The following LYPLA1 variants were observed in gnomAD, a reference collection of about 807,000 sequenced individuals.
LYPLA1 encodes lysophospholipase 1.
LYPLA1 carries 17 observed loss-of-function variants against 34.0 expected under a neutral mutation model. That is an observed-to-expected ratio of 0.50 (90% CI 0.34 to 0.75). LYPLA1 has a LOEUF of 0.75. Ranked by LOEUF, LYPLA1 falls within the 30% of genes least tolerant of loss-of-function variation. The pLI is 0.01. For synonymous variants in LYPLA1, 98 were observed against 100.8 expected (o/e 0.97, Z 0.17); for missense variants, 203 against 288.8 (o/e 0.70, Z 2.15).
intron 1 of LYPLA1, 27 bp from the exon 2 acceptor site, chr8:54,100,966 G>C (rs933432665): frequency 6.3e-7 from 1 of 1,595,746 alleles, no homozygotes. Flanking sequence ...AAATTAATAA[G>C]CAATGCCTAA....
At chr8:54,054,847 G>T in intron 6 of LYPLA1, 1 of 451,892 alleles carries the variant, frequency 2.2e-6, no homozygotes. Flanking sequence ...TGTTAACTTA[G>T]AAATTTAATT....
intron 1 of LYPLA1, 103 bp downstream of exon 1, chr8:54,101,652 C>A: frequency 8.6e-7 from 1 of 1,162,224 alleles, no homozygotes; most frequent in Non-Finnish European, 1.1e-6. Flanking sequence ...GGAGCGTCCT[C>A]GTCCGCAGGC....
At chr8:54,093,666 G>A (rs370120818) in intron 2 of LYPLA1, among the ~76,000 whole-genome samples, 3 of 152,112 alleles carry the variant, frequency 2.0e-5, no homozygotes, top group Non-Finnish European at 2.9e-5. Flanking sequence ...GATGCTCCTC[G>A]TATGTCTCAC....
downstream of LYPLA1, among the ~76,000 whole-genome samples, chr8:54,044,244 TTCCC>T (rs1805429681): frequency 6.6e-6 from 1 of 152,084 alleles, no homozygotes; most frequent in Admixed American, 6.6e-5. Flanking sequence ...AGGTAAATCA[TTCCC>T]TCTTATGATT....
At chr8:54,070,180 T>TGG (rs976983183) in intron 2 of LYPLA1, among the ~76,000 whole-genome samples, 3 of 152,190 alleles carry the variant, frequency 2.0e-5, no homozygotes, top group African/African-American at 7.2e-5. Flanking sequence ...ACAGATGTGG[T>TGG]GGCTCATGCC....
intron 2 of LYPLA1, among the ~76,000 whole-genome samples, chr8:54,098,968 T>C (rs1809900327): frequency 6.6e-6 from 1 of 152,208 alleles, no homozygotes; most frequent in Non-Finnish European, 1.5e-5. Context: ...AGACCTTTGT[T>C]TTTTCTTTTA....
intron 2 of LYPLA1, among the ~76,000 whole-genome samples, chr8:54,091,537 AAAAGAAAAGAAAAG>A (rs1361898904): frequency 1.4e-5 from 2 of 146,888 alleles, no homozygotes; most frequent in African/African-American, 5.3e-5. Flanking sequence ...AAGAAAAAAG[AAAAGAAAAGAAAAG>A]AAGAAAGGAA....
intron 3 of LYPLA1, among the ~76,000 whole-genome samples, chr8:54,064,153 G>A (rs1222619484): frequency 6.6e-6 from 1 of 152,160 alleles, no homozygotes; most frequent in African/African-American, 2.4e-5. Context: ...GGTGGGTCAC[G>A]CCTGTAATCC....
At position 54,057,350 on chromosome 8, in the gene LYPLA1, T is replaced by G. The variant is rs561283667; in HGVS notation, c.287-2217A>C. On this transcript the variant is annotated intron_variant, in intron 5 of 8. Transcript: ENST00000316963. ...AAAGGAAATCAGTATATTGAAGAGA[T>G]ATCTGTACTCCCATGTTTGTTGTAG... 7.2e-5 allele frequency among the ~76,000 whole-genome samples: 11 copies of G among 152,290 alleles called. No individual in the cohort carries two copies. The East Asian group carries it at 2.1e-3, about 29-fold the overall frequency.
At chr8:54,077,434 AC>A (rs1356339852) in intron 2 of LYPLA1, among the ~76,000 whole-genome samples, 2 of 152,280 alleles carry the variant, frequency 1.3e-5, no homozygotes, top group Non-Finnish European at 2.9e-5. Context: ...TGTACATCAA[AC>A]CCTCAGAACA....
intron 5 of LYPLA1, among the ~76,000 whole-genome samples, chr8:54,057,623 AG>A (rs1806302241): frequency 6.6e-6 from 1 of 152,182 alleles, no homozygotes; most frequent in Non-Finnish European, 1.5e-5. Context: ...CTGAACTAAC[AG>A]ACACAGACAG....
chr8:54,067,332 G>A (rs1261724462), intron 2 of LYPLA1, among the ~76,000 whole-genome samples: 3 of 152,024 alleles, frequency 2.0e-5, no homozygotes, highest in Non-Finnish European at 4.4e-5. Flanking sequence ...CCACTCTACA[G>A]AAAACTTAAG....
chr8:54,067,396 CACAT>C (rs1807145450), intron 2 of LYPLA1, among the ~76,000 whole-genome samples: 1 of 152,140 alleles, frequency 6.6e-6, no homozygotes, highest in South Asian at 2.1e-4. Context: ...CGTACATGTT[CACAT>C]ACATACACGT....
At chr8:54,090,109 C>T (rs985488169) in intron 2 of LYPLA1, among the ~76,000 whole-genome samples, 2 of 152,212 alleles carry the variant, frequency 1.3e-5, no homozygotes, top group Non-Finnish European at 2.9e-5. Context: ...ATGTTCATAG[C>T]TCTGGGAACA....
intron 7 of LYPLA1, 47 bp from the exon 8 acceptor site, chr8:54,051,235 G>C (rs1182962733): frequency 6.8e-7 from 1 of 1,463,570 alleles, no homozygotes; most frequent in Non-Finnish European, 9.2e-7. Flanking sequence ...TAAAAGTATA[G>C]GACACTATGC....
At chr8:54,080,979 G>A (rs1808273353) in intron 2 of LYPLA1, among the ~76,000 whole-genome samples, 1 of 152,116 alleles carries the variant, frequency 6.6e-6, no homozygotes, top group Admixed American at 6.6e-5. Context: ...TATACCACTG[G>A]CTTTTTGAGT....
intron 5 of LYPLA1, among the ~76,000 whole-genome samples, chr8:54,059,757 C>T (rs1475364845): frequency 6.6e-6 from 1 of 152,094 alleles, no homozygotes; most frequent in East Asian, 1.9e-4. Context: ...TTCATCTCTA[C>T]AAAACAGTTT....
chr8:54,099,346 T>C (rs1258638328), intron 2 of LYPLA1, among the ~76,000 whole-genome samples: 2 of 152,316 alleles, frequency 1.3e-5, no homozygotes, highest in Non-Finnish European at 2.9e-5. Context: ...TGTAACTCCA[T>C]ACAAAGTTTG....
chr8:54,085,081 G>A (rs1036116645), intron 2 of LYPLA1, among the ~76,000 whole-genome samples: 6 of 152,084 alleles, frequency 3.9e-5, no homozygotes, highest in Admixed American at 6.6e-5. Flanking sequence ...CCGCCATCTC[G>A]GCTCACTGCA....
Sources: gnomAD v4.1 joint callset for allele counts (sites outside exome capture counted in the v4.1 genomes callset) on GRCh38, gnomAD v4.1.1 for gene constraint, MANE v1.5 for transcripts, NCBI Gene and HGNC (gene_info 2026-07-23, HGNC 2026-07-21) for gene names.